Variants in SLC16A2 observed in about 807,000 individuals in gnomAD.
SLC16A2 encodes the protein monocarboxylate transporter 8.
SLC16A2 carries 3 observed loss-of-function variants against 27.2 expected under a neutral mutation model. The observed-to-expected ratio is 0.11, with a 90% CI of 0.05 to 0.28. The LOEUF is 0.28. SLC16A2 is among the 10% of genes least tolerant of loss of function. The pLI, the probability that SLC16A2 is intolerant of heterozygous loss-of-function variation, is 1.00. For synonymous variants in SLC16A2, 202 were observed against 187.8 expected, an observed-to-expected ratio of 1.08 and a Z score of -0.62; for missense variants, 295 against 458.5, an observed-to-expected ratio of 0.64 and a Z score of 3.26.
At position 74,533,177 on chromosome X, in the gene SLC16A2, G is replaced by A. The variant is rs1388568450; in HGVS notation, c.*1624G>A. ...TTAAGGCAGGGTCATCCCCGGGCCA[G>A]GAGGATGAGGTTGTCCTGAGGGGCT... On this transcript the variant is annotated 3_prime_UTR_variant, in exon 6 of 6. Transcript: ENST00000587091. 8.9e-6 allele frequency: 1 copy of A among 112,346 alleles called. No homozygotes were observed. Among genetic ancestry groups the A allele is most frequent in the Non-Finnish European group, 1.9e-5 (1 of 53,141 alleles). 9.3% of individuals were successfully genotyped at this position (112,346 alleles called of 1,213,427 possible).
At chrX:74,470,270 A>G (rs758251292) in intron 1 of SLC16A2, among the ~76,000 whole-genome samples, 2 of 112,681 alleles carry the variant, frequency 1.8e-5, no homozygotes, top group East Asian at 5.5e-4. Context: ...TAAAACTGCT[A>G]TAAACAATAA....
chrX:74,439,232 C>T (rs6647485), intron 1 of SLC16A2, among the ~76,000 whole-genome samples: 1 of 63,940 alleles, frequency 1.6e-5, no homozygotes. Flanking sequence ...CTCTCTCTCT[C>T]TCTTTCTTTC....
chrX:74,515,807 G>T (rs1245372861), intron 1 of SLC16A2, among the ~76,000 whole-genome samples: 1 of 111,929 alleles, frequency 8.9e-6, no homozygotes, highest in East Asian at 2.8e-4. Flanking sequence ...TGTATATCCA[G>T]TGAAAATATC....
chrX:74,496,452 G>A (rs1929938136), intron 1 of SLC16A2, among the ~76,000 whole-genome samples: 1 of 111,904 alleles, frequency 8.9e-6, no homozygotes, highest in South Asian at 3.7e-4. Flanking sequence ...TAAACAAGGG[G>A]GACATGGCCT....
chrX:74,484,915 C>A (rs757724102), intron 1 of SLC16A2, among the ~76,000 whole-genome samples: 3 of 111,601 alleles, frequency 2.7e-5, no homozygotes, highest in Non-Finnish European at 5.7e-5. Context: ...GCATTTATTA[C>A]CTCTTAAAAT....
At chrX:74,518,077 G>A (rs1930344664) in intron 1 of SLC16A2, among the ~76,000 whole-genome samples, 1 of 112,036 alleles carries the variant, frequency 8.9e-6, no homozygotes, top group Non-Finnish European at 1.9e-5. Context: ...AAAAAAGCTA[G>A]TGTAATCATC....
chrX:74,504,688 CA>C (rs1178764187), intron 1 of SLC16A2, among the ~76,000 whole-genome samples: 1 of 112,251 alleles, frequency 8.9e-6, no homozygotes, highest in Non-Finnish European at 1.9e-5. Flanking sequence ...ATAAGTTGCT[CA>C]AGGTCAAATA....
rs561654576 is a variant in SLC16A2, at chrX:74,468,912, G to A, written c.430+46845G>A. On this transcript the variant is annotated intron_variant, in intron 1 of 5. Transcript: ENST00000587091. ...CACCCTATTGTGCTACCAAAAACTA[G>A]ATCTTATTCCTTCTATCTAACTATA... Among the ~76,000 whole-genome samples the A allele has an allele frequency of 6.3e-5, 7 of 111,295 alleles. No homozygotes were observed. The South Asian group carries it at 2.3e-3, about 36-fold the overall frequency.
chrX:74,431,121 C>T (rs1478915886), intron 1 of SLC16A2, among the ~76,000 whole-genome samples: 1 of 112,489 alleles, frequency 8.9e-6, no homozygotes, highest in Non-Finnish European at 1.9e-5. Context: ...GGGTACATAG[C>T]CAAAGGAAAA....
intron 1 of SLC16A2, among the ~76,000 whole-genome samples, chrX:74,432,412 C>T (rs921823053): frequency 4.5e-5 from 5 of 111,436 alleles, no homozygotes; most frequent in African/African-American, 6.5e-5. Flanking sequence ...ATTGCCAAAG[C>T]GGTTTTGATT....
chrX:74,451,516 G>A (rs974424487), intron 1 of SLC16A2, among the ~76,000 whole-genome samples: 4 of 112,301 alleles, frequency 3.6e-5, no homozygotes, highest in African/African-American at 1.3e-4. Flanking sequence ...AATCCCCTGT[G>A]GTTACTTTCA....
intron 1 of SLC16A2, among the ~76,000 whole-genome samples, chrX:74,495,832 T>A (rs1480868318): frequency 9.0e-6 from 1 of 111,357 alleles, no homozygotes; most frequent in Non-Finnish European, 1.9e-5. Flanking sequence ...TAGATAAGCA[T>A]GTTTATTGTC....
chrX:74,482,299 G>T (rs1000169093), intron 1 of SLC16A2, among the ~76,000 whole-genome samples: 1 of 111,545 alleles, frequency 9.0e-6, no homozygotes, highest in Non-Finnish European at 1.9e-5. Context: ...TATCCTATTT[G>T]TTATTTGTAG....
chrX:74,498,070 G>A (rs1929967105), intron 1 of SLC16A2, among the ~76,000 whole-genome samples: 1 of 111,390 alleles, frequency 9.0e-6, no homozygotes, highest in African/African-American at 3.3e-5. Flanking sequence ...CTAACTTTGG[G>A]AGGAATTTAG....
At chrX:74,470,570 A>T (rs1276332414) in intron 1 of SLC16A2, among the ~76,000 whole-genome samples, 1 of 111,989 alleles carries the variant, frequency 8.9e-6, no homozygotes, top group East Asian at 2.8e-4. Flanking sequence ...CTCATGACAT[A>T]TGATATTGAG....
chrX:74,440,047 T>C (rs185490193), intron 1 of SLC16A2, among the ~76,000 whole-genome samples: 136 of 111,285 alleles, frequency 1.2e-3, no homozygotes, highest in Non-Finnish European at 2.1e-3. Flanking sequence ...AGTGATAGAG[T>C]TGAAGAGTTA....
At chrX:74,473,191 T>C (rs928080418) in intron 1 of SLC16A2, 9 of 731,438 alleles carry the variant, frequency 1.2e-5, no homozygotes, top group Non-Finnish European at 1.9e-5. Context: ...AAAATCATTG[T>C]AGCTTCCACC....
At chrX:74,517,651 A>G (rs1209485789) in intron 1 of SLC16A2, among the ~76,000 whole-genome samples, 1 of 111,798 alleles carries the variant, frequency 8.9e-6, no homozygotes, top group Admixed American at 9.5e-5. Flanking sequence ...CCTTTTTTAC[A>G]TGCTCAGTTC....
At chrX:74,530,976 C>T (rs977574001) in intron 5 of SLC16A2, among the ~76,000 whole-genome samples, 21 of 110,333 alleles carry the variant, frequency 1.9e-4, no homozygotes, top group African/African-American at 3.3e-4. Context: ...GGGCAGGGGG[C>T]GGGGGTAGGA....
Sources: allele counts gnomAD v4.1 joint callset (sites outside exome capture counted in the v4.1 genomes callset), GRCh38; gene constraint gnomAD v4.1.1; transcripts MANE v1.5; gene names NCBI Gene and HGNC (gene_info 2026-07-23, HGNC 2026-07-21).